LYST: variants seen among roughly 807,000 people sequenced by gnomAD.
LYST encodes the protein lysosomal-trafficking regulator.
In LYST, 192 loss-of-function variants were observed where a neutral mutation model predicts 413.6. That is an observed-to-expected ratio of 0.46 (90% confidence interval 0.41 to 0.52). The LOEUF (loss-of-function observed/expected upper bound fraction) is 0.52, where lower values mean the gene tolerates loss of function less well. LYST is among the 20% of genes least tolerant of loss of function. The pLI is 0.00. For missense variants in LYST, 3,815 were observed against 4,499.9 expected, an observed-to-expected ratio of 0.85 and a Z score of 4.35; for synonymous variants, 1,525 against 1,567.3, an observed-to-expected ratio of 0.97 and a Z score of 0.64.
At chr1:235,815,498 T>C (rs1461685536) in intron 3 of LYST, among the ~76,000 whole-genome samples, 1 of 152,080 alleles carries the variant, frequency 6.6e-6, no homozygotes, top group African/African-American at 2.4e-5. Flanking sequence ...TCCTAGCAAG[T>C]ATATGAAGTG....
Position 235,809,485 on chromosome 1 carries a change from A to G in LYST, c.1333T>C (p.Phe445Leu). The change falls in exon 5 of 53, where the codon TTT (phenylalanine) becomes CTT (leucine). Residue 445 changes from phenylalanine (F) to leucine (L), a missense_variant. By Grantham distance (22) the Phe-to-Leu change is conservative. Transcript: ENST00000389793. This position sits in a 1 kb window ranked among gnomAD's most constrained non-coding sequence, Gnocchi z 4.0. ...TCCATTTGAAGAACTGCTGTTTCAA[A>G]TAAATTAAATCCATGATGCTGAATG... ...EFIQHHGFNL[F>L]ETAVLQMEWL... 6.2e-7 allele frequency: 1 copy of G among 1,614,094 alleles called. No individual in the cohort carries two copies. Among genetic ancestry groups the G allele is most frequent in the Non-Finnish European group, 8.5e-7 (1 of 1,180,000 alleles).
intron 39 of LYST, among the ~76,000 whole-genome samples, chr1:235,722,450 A>G (rs1307517121): frequency 6.6e-6 from 1 of 152,192 alleles, no homozygotes; most frequent in African/African-American, 2.4e-5. Context: ...AAGTCATTGT[A>G]GCTGAAAGTC....
In LYST at chr1:235,806,021, A is replaced by G. The variant is rs1672793938; in HGVS notation, c.3115T>C (p.Leu1039=). The G allele has an allele frequency of 6.2e-7, 1 of 1,613,878 alleles. No homozygotes were observed. The highest frequency in any genetic ancestry group is 1.7e-5 in the Admixed American group (1 of 59,978). The change falls in exon 6 of 53, where the codon TTA becomes CTA. Residue 1039 remains leucine (L), a synonymous_variant. Transcript: ENST00000389793. The part of the protein sequence containing the change: ...QPKRTMKEDL[L]SLAIKSDPIP... ...GGGTCACTTTTTATAGCCAAAGATA[A>G]TAAATCTTCCTTCATAGTTCTCTTA...
intron 1 of LYST, among the ~76,000 whole-genome samples, chr1:235,881,067 T>C (rs978941449): frequency 1.3e-5 from 2 of 152,302 alleles, no homozygotes; most frequent in East Asian, 1.9e-4. Context: ...TGACTTGCTG[T>C]ACGTGATATA....
chr1:235,764,899 CTTACA>C (rs757598042), intron 21 of LYST, among the ~76,000 whole-genome samples: 9 of 152,098 alleles, frequency 5.9e-5, no homozygotes, highest in African/African-American at 1.9e-4. Context: ...TGCTTTCTTT[CTTACA>C]TTACATTTCC....
At chr1:235,663,934 A>C in intron 52 of LYST, 50 bp downstream of exon 52, 1 of 1,441,264 alleles carries the variant, frequency 6.9e-7, no homozygotes, top group Non-Finnish European at 9.8e-7. Context: ...TCTACGAAAA[A>C]TACAATCACA....
intron 1 of LYST, among the ~76,000 whole-genome samples, chr1:235,847,069 T>C (rs1333577984): frequency 1.3e-5 from 2 of 152,280 alleles, no homozygotes; most frequent in African/African-American, 2.4e-5. Flanking sequence ...CGTAGGCACA[T>C]TGTCATGAGG....
intron 3 of LYST, among the ~76,000 whole-genome samples, chr1:235,818,586 C>T (rs112363684): frequency 2.5e-4 from 38 of 151,864 alleles, no homozygotes; most frequent in African/African-American, 9.2e-4. Context: ...AGCTCATACT[C>T]AGTATACCTC....
intron 19 of LYST, 97 bp downstream of exon 19, chr1:235,773,745 C>T: frequency 1.1e-6 from 1 of 920,148 alleles, no homozygotes; most frequent in Admixed American, 2.0e-5. Context: ...GCACTTAATG[C>T]CACTGAACTG....
chr1:235,682,544 C>T (rs1255184134), intron 48 of LYST, among the ~76,000 whole-genome samples: 1 of 152,186 alleles, frequency 6.6e-6, no homozygotes, highest in Non-Finnish European at 1.5e-5. Context: ...TATCAGACAA[C>T]CTGGGGCTGG....
intron 15 of LYST, 21 bp from the exon 16 acceptor site, chr1:235,781,076 G>A: frequency 7.2e-6 from 11 of 1,533,252 alleles, no homozygotes; most frequent in Non-Finnish European, 9.9e-6. Flanking sequence ...GAAAAATAAA[G>A]TTAGTTATTT....
Position 235,686,069 on chromosome 1 carries a change from T to G in LYST, c.10800+880A>C, listed in dbSNP as rs1660197641. Among the ~76,000 whole-genome samples, 1 of 151,778 alleles carries G rather than the reference T, an allele frequency of 6.6e-6. No homozygotes were observed. The highest frequency in any genetic ancestry group is 6.6e-5 in the Admixed American group (1 of 15,234). On this transcript the variant is annotated intron_variant, in intron 48 of 52. Transcript: ENST00000389793. The surrounding 1 kb of genome is among the most constrained non-coding windows in gnomAD (Gnocchi z 4.0). ...CTCAACTGCACCACAGGCAGTTGAT[T>G]CAAGAAACAAAAACAGGCCGGGCGT... is the stretch of plus-strand genomic sequence containing the variant.
intron 1 of LYST, among the ~76,000 whole-genome samples, chr1:235,855,049 T>A (rs1489254279): frequency 6.6e-6 from 1 of 152,136 alleles, no homozygotes; most frequent in Non-Finnish European, 1.5e-5. Context: ...CTTCAAAGGG[T>A]ATACACTTTC....
intron 42 of LYST, among the ~76,000 whole-genome samples, chr1:235,713,804 T>A (rs962179003): frequency 6.6e-6 from 1 of 152,204 alleles, no homozygotes; most frequent in Non-Finnish European, 1.5e-5. Context: ...AGATATCACT[T>A]GAAACTAATG....
rs552544780 is a variant in LYST, at chr1:235,848,297, G to A, written c.-97-14630C>T. Among the ~76,000 whole-genome samples the A allele has an allele frequency of 1.6e-4, 24 of 152,212 alleles. 1 individual carries two copies. The East Asian group carries it at 2.7e-3, about 17-fold the overall frequency. Reference sequence around the variant, plus strand: ...CCTGAATGAGCATTGGGTCAAAAACGAAATCAAGATAGAAATTAAAAAATT... The same window carrying A: ...CCTGAATGAGCATTGGGTCAAAAACAAAATCAAGATAGAAATTAAAAAATT... On this transcript the variant is annotated intron_variant, in intron 1 of 52. Transcript: ENST00000389793.
intron 30 of LYST, 52 bp downstream of exon 30, chr1:235,743,927 C>T (rs1373553276): frequency 1.8e-5 from 18 of 996,246 alleles, no homozygotes; most frequent in Middle Eastern, 3.1e-4. Context: ...CAACATAAAA[C>T]CTCTATTTCC....
At chr1:235,796,536 A>G (rs1004856722) in intron 10 of LYST, among the ~76,000 whole-genome samples, 4 of 152,234 alleles carry the variant, frequency 2.6e-5, no homozygotes, top group African/African-American at 9.6e-5. Context: ...TATGGTGTAA[A>G]TATCTGTCCC....
upstream of LYST, among the ~76,000 whole-genome samples, chr1:235,871,258 AC>A (rs375913035): frequency 2.0e-3 from 306 of 152,348 alleles, no homozygotes; most frequent in African/African-American, 7.0e-3. Context: ...CTACTAAATC[AC>A]CAATAGCATT....
chr1:235,850,456 C>A (rs1678393166), intron 1 of LYST, among the ~76,000 whole-genome samples: 1 of 152,154 alleles, frequency 6.6e-6, no homozygotes, highest in African/African-American at 2.4e-5. Context: ...CCTTTCTAGA[C>A]ATTGGCTTAG....
Sources: allele counts gnomAD v4.1 joint callset (sites outside exome capture counted in the v4.1 genomes callset), GRCh38; gene constraint gnomAD v4.1.1; non-coding constraint Gnocchi (gnomAD v3.1); transcripts MANE v1.5; gene names NCBI Gene and HGNC (gene_info 2026-07-23, HGNC 2026-07-21).